SLC25A21: variants seen among roughly 807,000 people sequenced by gnomAD.
SLC25A21 encodes mitochondrial 2-oxodicarboxylate carrier.
In SLC25A21, 47 loss-of-function variants were observed where a neutral mutation model predicts 43.8. The ratio of observed to expected loss-of-function variants is 1.07; its 90% CI spans 0.85 to 1.37. SLC25A21 has a LOEUF of 1.37. Among genes scored for constraint, SLC25A21 ranks in the 40% most tolerant of loss-of-function variants. The probability of loss-of-function intolerance (pLI) is 0.00; values close to 1 mark genes in which losing one functional copy is unlikely to be tolerated. For synonymous variants in SLC25A21, 131 were observed against 121.3 expected (o/e 1.08, Z -0.52); for missense variants, 352 against 350.2 (o/e 1.00, Z -0.04).
chr14:37,025,630 A>G (rs1961076984), intron 1 of SLC25A21, among the ~76,000 whole-genome samples: 1 of 152,154 alleles, frequency 6.6e-6, no homozygotes, highest in Non-Finnish European at 1.5e-5. Flanking sequence ...GTGCCAGCAA[A>G]AGACTTTAGT....
rs539795840 is a variant in SLC25A21 at position 36,684,838 on chromosome 14, C to T, written c.691G>A (p.Ala231Thr). ...TGAGGCCCTTGAATCCTACTTTTGG[C>T]AACATCAAAAGGGATGTTAATGACT... ...ASVINIPFDV[A>T]KSRIQGPQPV... The change falls in exon 8 of 10, where the codon GCC (alanine) becomes ACC (threonine). Residue 231 changes from alanine to threonine, a missense_variant. Ala to Thr is a moderately conservative substitution (Grantham distance 58). Transcript: ENST00000331299. 18 of 1,614,020 alleles carry T rather than the reference C, an allele frequency of 1.1e-5. No individual in the cohort carries two copies. Among genetic ancestry groups the T allele is most frequent in the Non-Finnish European group, 1.4e-5 (16 of 1,179,958 alleles).
chr14:36,705,750 G>C (rs1883523976), intron 7 of SLC25A21, among the ~76,000 whole-genome samples: 1 of 152,090 alleles, frequency 6.6e-6, no homozygotes, highest in African/African-American at 2.4e-5. Flanking sequence ...GAAAAATCTA[G>C]AATTATCCCA....
intron 2 of SLC25A21, among the ~76,000 whole-genome samples, chr14:36,818,150 C>T (rs952589766): frequency 6.6e-6 from 1 of 152,148 alleles, no homozygotes; most frequent in African/African-American, 2.4e-5. Context: ...GTATCAGATG[C>T]TAGCACCACT....
intron 1 of SLC25A21, among the ~76,000 whole-genome samples, chr14:37,083,951 TG>T (rs1962435842): frequency 6.6e-6 from 1 of 152,268 alleles, no homozygotes; most frequent in African/African-American, 2.4e-5. Context: ...GTTGACTTTT[TG>T]GTCGAATTCT....
chr14:37,159,787 G>A (rs575755721), intron 1 of SLC25A21, among the ~76,000 whole-genome samples: 3 of 152,174 alleles, frequency 2.0e-5, no homozygotes, highest in South Asian at 2.1e-4. Flanking sequence ...AAGAGACAAC[G>A]TGTTGAATGA....
chr14:36,863,103 A>G (rs888476327), intron 2 of SLC25A21, among the ~76,000 whole-genome samples: 2 of 152,182 alleles, frequency 1.3e-5, no homozygotes, highest in Non-Finnish European at 2.9e-5. Flanking sequence ...TCCCGTGACA[A>G]AGATAAGAAG....
chr14:37,012,460 T>C (rs1047195374), intron 1 of SLC25A21, among the ~76,000 whole-genome samples: 1 of 152,186 alleles, frequency 6.6e-6, no homozygotes, highest in African/African-American at 2.4e-5. Flanking sequence ...AGCTGAATTG[T>C]ATGTCTGAGT....
chr14:37,129,645 G>T, intron 1 of SLC25A21, among the ~76,000 whole-genome samples: 1 of 149,408 alleles, frequency 6.7e-6, no homozygotes. Context: ...TTAAAACATT[G>T]TGTTAAATAA....
chr14:37,088,440 C>G (rs1473819064), intron 1 of SLC25A21, among the ~76,000 whole-genome samples: 3 of 152,192 alleles, frequency 2.0e-5, no homozygotes, highest in Admixed American at 2.0e-4. Flanking sequence ...TTAATACTCA[C>G]AGGTTTTTAT....
At chr14:36,778,299 T>A (rs1351364197) in intron 3 of SLC25A21, among the ~76,000 whole-genome samples, 1 of 152,230 alleles carries the variant, frequency 6.6e-6, no homozygotes, top group Non-Finnish European at 1.5e-5. Context: ...GAAAGGCAAA[T>A]ACTTACAAAT....
intron 9 of SLC25A21, among the ~76,000 whole-genome samples, chr14:36,682,958 G>C (rs532898827): frequency 8.5e-5 from 13 of 152,172 alleles, no homozygotes; most frequent in Non-Finnish European, 1.8e-4. Context: ...ATGTGCATGT[G>C]TGTTTGTGTA....
intron 1 of SLC25A21, among the ~76,000 whole-genome samples, chr14:37,057,248 A>AT (rs1043383457): frequency 3.3e-5 from 5 of 152,214 alleles, no homozygotes; most frequent in African/African-American, 1.2e-4. Context: ...TTTTGAAACA[A>AT]TTTTGTTTTG....
At chr14:36,800,077 A>T (rs1343885938) in intron 3 of SLC25A21, among the ~76,000 whole-genome samples, 1 of 152,000 alleles carries the variant, frequency 6.6e-6, no homozygotes. Context: ...TCTTTTTTTT[A>T]AATTTTGTTT....
At chr14:36,709,954 G>T (rs111648102) in intron 7 of SLC25A21, among the ~76,000 whole-genome samples, 10 of 152,234 alleles carry the variant, frequency 6.6e-5, no homozygotes, top group African/African-American at 2.2e-4. Context: ...CAAGCAATTT[G>T]ATGGTAGGGA....
chr14:37,060,423 A>AATCATG (rs1555344633), intron 1 of SLC25A21, among the ~76,000 whole-genome samples: 1 of 136,314 alleles, frequency 7.3e-6, no homozygotes, highest in Non-Finnish European at 1.7e-5. Context: ...TAATAATAAT[A>AATCATG]ATGATGTAAC....
At chr14:37,149,788 C>T (rs1427001106) in intron 1 of SLC25A21, among the ~76,000 whole-genome samples, 1 of 152,104 alleles carries the variant, frequency 6.6e-6, no homozygotes, top group Admixed American at 6.6e-5. Flanking sequence ...CTCCTTAGAA[C>T]TATCTTGAAA....
chr14:37,142,048 T>C (rs1286057326), intron 1 of SLC25A21, among the ~76,000 whole-genome samples: 1 of 152,172 alleles, frequency 6.6e-6, no homozygotes, highest in East Asian at 1.9e-4. Flanking sequence ...GAACCATGGC[T>C]CTGGGAACTC....
At chr14:36,741,267 TAGGAGC>T (rs1291761734) in intron 3 of SLC25A21, among the ~76,000 whole-genome samples, 1 of 152,176 alleles carries the variant, frequency 6.6e-6, no homozygotes, top group Non-Finnish European at 1.5e-5. Flanking sequence ...TTTTTGGTGT[TAGGAGC>T]AAGAACATGG....
rs548584592 is a variant in SLC25A21 at position 36,895,617 on chromosome 14, C to T, written c.71-20613G>A. On this transcript the variant is annotated intron_variant, in intron 1 of 9. Transcript: ENST00000331299. ...TGTTTGCTCTTGCTTCTCTAGTTCT[C>T]TTAATTGTGATGTTAGGGTGTCAAT... Among the ~76,000 whole-genome samples the T allele has an allele frequency of 3.1e-3, 473 of 151,946 alleles. 4 individuals carry two copies. Among genetic ancestry groups the T allele is most frequent in the African/African-American group, 0.011 (441 of 41,388 alleles).
Sources: gnomAD v4.1 joint callset for allele counts (sites outside exome capture counted in the v4.1 genomes callset) on GRCh38, gnomAD v4.1.1 for gene constraint, MANE v1.5 for transcripts, NCBI Gene and HGNC (gene_info 2026-07-23, HGNC 2026-07-21) for gene names.